The following CSRP3 variants were observed in gnomAD, a reference collection of about 807,000 sequenced individuals.
The protein encoded by CSRP3 is cysteine and glycine-rich protein 3.
In CSRP3, 24 loss-of-function variants were observed where a neutral mutation model predicts 24.3. That is an observed-to-expected ratio of 0.99 (90% confidence interval 0.71 to 1.39). The LOEUF (loss-of-function observed/expected upper bound fraction) is 1.39, where lower values mean the gene tolerates loss of function less well. CSRP3 is among the 40% of genes most tolerant of loss of function. The probability of loss-of-function intolerance (pLI) is 0.00; values close to 1 mark genes in which losing one functional copy is unlikely to be tolerated. For synonymous variants in CSRP3, 105 were observed against 94.0 expected (o/e 1.12, Z -0.68); for missense variants, 240 against 249.0 (o/e 0.96, Z 0.24).
chr11:19,189,323 C>T (rs576660439), intron 2 of CSRP3, among the ~76,000 whole-genome samples: 1 of 152,244 alleles, frequency 6.6e-6, no homozygotes, highest in African/African-American at 2.4e-5. Flanking sequence ...ACAAGAAGGA[C>T]CTATTAGCAT....
intron 1 of CSRP3, among the ~76,000 whole-genome samples, chr11:19,198,532 A>T (rs955105688): frequency 6.6e-6 from 1 of 152,176 alleles, no homozygotes; most frequent in African/African-American, 2.4e-5. Context: ...TGAGGTGGGG[A>T]CGGATGTCCA....
At chr11:19,191,514 A>G (rs1590105792) in intron 2 of CSRP3, among the ~76,000 whole-genome samples, 1 of 152,188 alleles carries the variant, frequency 6.6e-6, no homozygotes, top group Non-Finnish European at 1.5e-5. Flanking sequence ...ATTTTCTCCC[A>G]AACAGGACTA....
At chr11:19,200,933 A>T (rs1490134951) in intron 1 of CSRP3, among the ~76,000 whole-genome samples, 4 of 152,200 alleles carry the variant, frequency 2.6e-5, no homozygotes, top group African/African-American at 9.7e-5. Flanking sequence ...ATACATGCTT[A>T]TTAAATTACA....
In CSRP3 at chr11:19,196,523, C is replaced by CATA. The variant is rs535216840; in HGVS notation, c.-28-4050_-28-4048dup. 4.8e-4 allele frequency among the ~76,000 whole-genome samples: 73 copies of CATA among 152,304 alleles called. 1 individual carries two copies. In the South Asian group the frequency reaches 0.015, roughly 32 times the overall value. ...TCCCAGTTAGGTCCTGGCTTATGAA[C>CATA]ATAACCTTTTCAGCTTCCCGCATTG... On this transcript the variant is annotated intron_variant, in intron 1 of 5. Transcript: ENST00000265968.
At chr11:19,194,084 C>G (rs185344421) in intron 1 of CSRP3, among the ~76,000 whole-genome samples, 5 of 152,264 alleles carry the variant, frequency 3.3e-5, no homozygotes, top group Admixed American at 2.6e-4. Flanking sequence ...TTCTGGGAAG[C>G]CAGTCACCTT....
chr11:19,193,307 T>A (rs1850645000), intron 1 of CSRP3, among the ~76,000 whole-genome samples: 1 of 152,136 alleles, frequency 6.6e-6, no homozygotes, highest in Admixed American at 6.5e-5. Context: ...TAGTGTCCTT[T>A]AGAAAATCAA....
intron 2 of CSRP3, among the ~76,000 whole-genome samples, chr11:19,188,671 CA>C (rs1850571534): frequency 6.7e-6 from 1 of 148,670 alleles, no homozygotes; most frequent in Admixed American, 6.7e-5. Context: ...CGCGCGTTGG[CA>C]GGGGGTGGGT....
chr11:19,195,212 G>A (rs1850680066), intron 1 of CSRP3, among the ~76,000 whole-genome samples: 1 of 151,942 alleles, frequency 6.6e-6, no homozygotes, highest in African/African-American at 2.4e-5. Context: ...GCAGAAAGGC[G>A]TAGAGGCCTA....
chr11:19,188,106 C>G, intron 3 of CSRP3, 30 bp downstream of exon 3: 7 of 1,614,076 alleles, frequency 4.3e-6, no homozygotes, highest in Non-Finnish European at 5.9e-6. Context: ...GAGACTTTAA[C>G]AGGCAAGGGG....
intron 3 of CSRP3, among the ~76,000 whole-genome samples, chr11:19,186,909 A>G (rs1468320368): frequency 6.6e-6 from 1 of 152,226 alleles, no homozygotes; most frequent in Non-Finnish European, 1.5e-5. Context: ...TAGAGACATA[A>G]TAATAGCCTC....
Position 19,186,324 on chromosome 11 carries a change from A to T in CSRP3, c.306T>A (p.Val102=). The T allele has an allele frequency of 1.9e-6, 3 of 1,614,218 alleles. No homozygotes were observed. Among genetic ancestry groups the T allele is most frequent in the Non-Finnish European group, 2.5e-6 (3 of 1,180,046 alleles). ...TGAATTTGGAAGGGTTGCTGGTGGT[A>T]ACTGAGCGTGCCGGCTTTGGGGACC... The part of the protein sequence containing the change: ...FQQSPKPARS[V]TTSNPSKFTA... The change falls in exon 4 of 6, where the codon GTT becomes GTA. Residue 102 remains valine (V), a synonymous_variant. Transcript: ENST00000265968.
intron 1 of CSRP3, among the ~76,000 whole-genome samples, chr11:19,199,164 G>A (rs1447838678): frequency 6.6e-6 from 1 of 151,962 alleles, no homozygotes. Flanking sequence ...GTTGGATTGG[G>A]TTGGAGGCAG....
chr11:19,187,878 C>A (rs1039091952), intron 3 of CSRP3, among the ~76,000 whole-genome samples: 1 of 152,186 alleles, frequency 6.6e-6, no homozygotes, highest in African/African-American at 2.4e-5. Flanking sequence ...ATCTGTACAT[C>A]CTGGGTTTTC....
chr11:19,183,830 T>C (rs1042346866), intron 5 of CSRP3, among the ~76,000 whole-genome samples: 3 of 152,180 alleles, frequency 2.0e-5, no homozygotes, highest in Non-Finnish European at 2.9e-5. Flanking sequence ...TTAGCTCACA[T>C]AATCCCCACA....
rs752338221 is a variant in CSRP3, at chr11:19,188,162, G to A, written c.255C>T (p.Gly85=). The change falls in exon 3 of 6, where the codon GGC becomes GGT. Residue 85 remains glycine, a synonymous_variant. Transcript: ENST00000265968. ...QGAGCLSTDT[G]EHLGLQFQQS... ...GTTGGAACTGCAGGCCGAGATGCTC[G>A]CCCGTGTCTGTGCTGAGACAGCCAG... 11 of 1,614,008 alleles carry A rather than the reference G, an allele frequency of 6.8e-6. No individual in the cohort carries two copies. The East Asian group carries it at 8.9e-5, about 13-fold the overall frequency.
Position 19,186,332 on chromosome 11 carries a change from G to C in CSRP3, c.298C>G (p.Arg100Gly). Residue 100 changes from arginine to glycine, a missense_variant, in exon 4 of 6, where the codon CGC (arginine) becomes GGC (glycine). Arg to Gly is a moderately radical substitution (Grantham distance 125). Transcript: ENST00000265968. ...LQFQQSPKPA[R>G]SVTTSNPSKF... ...GAAGGGTTGCTGGTGGTAACTGAGC[G>C]TGCCGGCTTTGGGGACCTGTTGGAA... is the stretch of plus-strand genomic sequence containing the variant. The C allele has an allele frequency of 6.2e-7, 1 of 1,614,204 alleles. No homozygotes were observed. The highest frequency in any genetic ancestry group is 1.1e-5 in the South Asian group (1 of 91,082).
intron 1 of CSRP3, among the ~76,000 whole-genome samples, chr11:19,193,438 C>T (rs1324704995): frequency 6.6e-6 from 1 of 152,182 alleles, no homozygotes; most frequent in African/African-American, 2.4e-5. Flanking sequence ...TGCTAATAGC[C>T]ACAGCCCCAG....
intron 1 of CSRP3, among the ~76,000 whole-genome samples, chr11:19,195,687 A>G (rs1289536965): frequency 1.2e-5 from 1 of 80,562 alleles, no homozygotes; most frequent in African/African-American, 4.2e-5. Context: ...AAATACATAT[A>G]TATCTGTGTG....
chr11:19,188,133 C>T lies in CSRP3; in HGVS notation c.281+3G>A, dbSNP rs1310211638. 1 of 1,614,054 alleles carries T rather than the reference C, an allele frequency of 6.2e-7. No homozygotes were observed. The highest frequency in any genetic ancestry group is 8.5e-7 in the Non-Finnish European group (1 of 1,180,022). On this transcript the variant is annotated splice_donor_region_variant and intron_variant, in intron 3 of 5. Transcript: ENST00000265968. The stretch of plus-strand genomic sequence containing the variant: ...GGCAAGGGGGAGCAGGGCAGTAACT[C>T]ACTGTTGGAACTGCAGGCCGAGATG...
Sources: gnomAD v4.1 joint callset for allele counts (sites outside exome capture counted in the v4.1 genomes callset) on GRCh38, gnomAD v4.1.1 for gene constraint, MANE v1.5 for transcripts, NCBI Gene and HGNC (gene_info 2026-07-23, HGNC 2026-07-21) for gene names.